Variants in RFX2 observed in about 807,000 individuals in gnomAD.
RFX2 encodes regulatory factor X2, also known as DNA-binding protein RFX2.
Under a neutral mutation model 87.8 loss-of-function variants are expected in RFX2, and 20 were observed. The ratio of observed to expected loss-of-function variants is 0.23; its 90% confidence interval spans 0.16 to 0.33. The LOEUF (loss-of-function observed/expected upper bound fraction) is 0.33, where lower values mean the gene tolerates loss of function less well. RFX2 is among the 10% of genes least tolerant of loss of function. RFX2 has a pLI of 1.00. For missense variants in RFX2, 767 were observed against 1,012.3 expected, an observed-to-expected ratio of 0.76 and a Z score of 3.29; for synonymous variants, 397 against 431.3, an observed-to-expected ratio of 0.92 and a Z score of 0.98.
rs565376970 is a variant in RFX2 at position 5,997,400 on chromosome 19, C to T, written c.1860-187G>A. ...CTGCCGAGACCCTGGGCCCACGTGA[C>T]GGACAGGTGGGGCCGGCCTGCGCGC... On this transcript the variant is annotated intron_variant, in intron 15 of 17. Coordinates refer to ENST00000303657, the MANE Select transcript of RFX2 (RefSeq NM_000635.4). The surrounding 1 kb of genome is among the most constrained non-coding windows in gnomAD (Gnocchi z 4.2). The T allele has an allele frequency of 1.1e-4, 69 of 646,544 alleles. No homozygotes were observed. Among genetic ancestry groups the T allele is most frequent in the Non-Finnish European group, 1.6e-4 (62 of 393,756 alleles). 40.1% of individuals were successfully genotyped at this position (646,544 alleles called of 1,614,324 possible).
At chr19:6,094,126 G>A (rs1428038904) in intron 1 of RFX2, among the ~76,000 whole-genome samples, 5 of 152,112 alleles carry the variant, frequency 3.3e-5, no homozygotes, top group African/African-American at 4.8e-5. Context: ...TAAAGAATTC[G>A]TATGTATGTT....
intron 1 of RFX2, among the ~76,000 whole-genome samples, chr19:6,093,728 A>G (rs1242726133): frequency 1.3e-5 from 2 of 152,066 alleles, no homozygotes; most frequent in Admixed American, 1.3e-4. Context: ...AAGAAGAAAA[A>G]AAAAACACAC....
In RFX2 at chr19:6,027,248, T is replaced by A. The variant is rs2144736340; in HGVS notation, c.523-1011A>T. On this transcript the variant is annotated intron_variant, in intron 5 of 17. Transcript: ENST00000303657. This position sits in a 1 kb window ranked among gnomAD's most constrained non-coding sequence, Gnocchi z 5.0. The stretch of plus-strand genomic sequence containing the variant: ...CTGAGTTCAAGAATGAGAGGGTAAC[T>A]GCTTCTCCCACGGCCTCCGACCACG... 6.6e-6 allele frequency: 1 copy of A among 152,348 alleles called. No individual in the cohort carries two copies. The highest frequency in any genetic ancestry group is 1.9e-4 in the East Asian group (1 of 5,192). 9.4% of individuals were successfully genotyped at this position (152,348 alleles called of 1,614,324 possible). A position where few individuals can be genotyped will look rare whatever the true frequency, so the allele number is the denominator to read the frequency against.
chr19:5,996,101 G>A (rs1446743034), intron 16 of RFX2, among the ~76,000 whole-genome samples: 9 of 152,224 alleles, frequency 5.9e-5, no homozygotes, highest in South Asian at 2.1e-4. Context: ...CCTGGCCACC[G>A]ACTCTTAGAG....
intron 1 of RFX2, among the ~76,000 whole-genome samples, chr19:6,102,415 T>C (rs1039763644): frequency 5.3e-5 from 8 of 152,258 alleles, no homozygotes; most frequent in African/African-American, 1.9e-4. Flanking sequence ...TATGAATGAA[T>C]GATGAACAAA....
intron 1 of RFX2, among the ~76,000 whole-genome samples, chr19:6,062,808 AG>A (rs2087456055): frequency 6.6e-6 from 1 of 152,152 alleles, no homozygotes; most frequent in Non-Finnish European, 1.5e-5. Context: ...CAGGAGGAAA[AG>A]GTAAATCAGC....
At chr19:5,996,947 G>A (rs2086420808) in intron 16 of RFX2, 113 bp downstream of exon 16, 2 of 1,110,768 alleles carry the variant, frequency 1.8e-6, no homozygotes, top group Admixed American at 4.8e-5. Flanking sequence ...CTCTGTCCGG[G>A]CGGCAGAGCA....
At chr19:6,105,722 C>G (rs62107232) in intron 1 of RFX2, among the ~76,000 whole-genome samples, 1,937 of 152,162 alleles carry the variant, frequency 0.013, 27 homozygotes, top group Non-Finnish European at 0.021. Flanking sequence ...TGGTCAGGTT[C>G]TGGGGAACTA....
Position 6,019,544 on chromosome 19 carries a change from G to GTGTA in RFX2, c.598-3274_598-3273insTACA, listed in dbSNP as rs386388444. On this transcript the variant is annotated intron_variant, in intron 6 of 17. Coordinates refer to ENST00000303657, the MANE Select transcript of RFX2 (RefSeq NM_000635.4). ...TGTGTGTGTGTGTGTGTGTGTGTGTGTATATACTTTTATATACTTTTTTTT... is the reference window on the plus strand; with the variant it reads ...TGTGTGTGTGTGTGTGTGTGTGTGTGTGTATATATACTTTTATATACTTTTTTTT... Among the ~76,000 whole-genome samples, 191 of 143,154 alleles carry GTGTA rather than the reference G, an allele frequency of 1.3e-3. 1 individual carries two copies. The highest frequency in any genetic ancestry group is 4.7e-3 in the African/African-American group (172 of 36,942). 93.9% of individuals were successfully genotyped at this position (143,154 alleles called of 152,430 possible).
intron 1 of RFX2, among the ~76,000 whole-genome samples, chr19:6,086,412 T>A (rs2087856555): frequency 6.6e-6 from 1 of 152,210 alleles, no homozygotes; most frequent in Non-Finnish European, 1.5e-5. Flanking sequence ...CTGTCTAGCA[T>A]GTGACTGCAG....
chr19:6,100,660 A>G (rs2088107809), intron 1 of RFX2, among the ~76,000 whole-genome samples: 1 of 152,102 alleles, frequency 6.6e-6, no homozygotes, highest in Non-Finnish European at 1.5e-5. Flanking sequence ...CCGGAAGTCT[A>G]GGTGGGAGGC....
In RFX2 at chr19:5,993,735, T is replaced by C. The variant is rs571541904; in HGVS notation, c.*1100A>G. ...CTACGTGTTTCCATGGAGACAAACTTGGTGTCTCAAGTTCAGGGCTTCGAA... is the reference window on the plus strand; with the variant it reads ...CTACGTGTTTCCATGGAGACAAACTCGGTGTCTCAAGTTCAGGGCTTCGAA... On this transcript the variant is annotated 3_prime_UTR_variant, in exon 18 of 18. Transcript: ENST00000303657. The C allele has an allele frequency of 6.6e-6, 1 of 152,154 alleles. No individual in the cohort carries two copies. The highest frequency in any genetic ancestry group is 1.5e-5 in the Non-Finnish European group (1 of 68,028). The allele number at this position is 152,154 out of a possible 1,614,324, so 9.4% of individuals were successfully genotyped here. A position where few individuals can be genotyped will look rare whatever the true frequency, so the allele number is the denominator to read the frequency against.
Position 6,040,742 on chromosome 19 carries a change from G to C in RFX2, c.261-501C>G, listed in dbSNP as rs1287990517. Among the ~76,000 whole-genome samples the C allele has an allele frequency of 6.6e-6, 1 of 152,156 alleles. No homozygotes were observed. Among genetic ancestry groups the C allele is most frequent in the Admixed American group, 6.5e-5 (1 of 15,274 alleles). ...CCATTGCACTTTAGCCTGGGCAACA[G>C]AGCAAGACCCTATCTCTTAAAAAAA... On this transcript the variant is annotated intron_variant, in intron 4 of 17. Coordinates refer to ENST00000303657, the MANE Select transcript of RFX2 (RefSeq NM_000635.4). The surrounding 1 kb of genome is among the most constrained non-coding windows in gnomAD (Gnocchi z 6.1).
intron 5 of RFX2, among the ~76,000 whole-genome samples, chr19:6,029,944 G>A (rs888829437): frequency 2.5e-4 from 38 of 152,060 alleles, no homozygotes; most frequent in Admixed American, 1.3e-4. Flanking sequence ...TCTGAGGAGC[G>A]GAAAGAAAAA....
At chr19:6,077,355 G>A (rs1268788299) in intron 1 of RFX2, among the ~76,000 whole-genome samples, 1 of 152,178 alleles carries the variant, frequency 6.6e-6, no homozygotes, top group African/African-American at 2.4e-5. Context: ...GCCAGGGGCT[G>A]AATGCAAAAC....
Position 6,050,530 on chromosome 19 carries a change from C to T in RFX2, c.-8-3026G>A, listed in dbSNP as rs562312339. On this transcript the variant is annotated intron_variant, in intron 1 of 17. Coordinates refer to ENST00000303657, the MANE Select transcript of RFX2 (RefSeq NM_000635.4). The surrounding 1 kb of genome is among the most constrained non-coding windows in gnomAD (Gnocchi z 4.6). ...CAAGAAACAAAGTATAAAAGGAGAA[C>T]CAAATAGAAATTCTAGAGCAATAAC... 2.0e-5 allele frequency among the ~76,000 whole-genome samples: 3 copies of T among 152,116 alleles called. No individual in the cohort carries two copies. The East Asian group carries it at 5.8e-4, about 29-fold the overall frequency.
At chr19:6,070,181 A>G (rs372820222) in intron 1 of RFX2, among the ~76,000 whole-genome samples, 6 of 76 alleles carry the variant, frequency 0.079, no homozygotes, top group Admixed American at 0.25. Context: ...ATGGGATGGG[A>G]TGGGATGGGA....
intron 5 of RFX2, among the ~76,000 whole-genome samples, chr19:6,031,278 C>A (rs1245336160): frequency 6.6e-6 from 1 of 152,092 alleles, no homozygotes; most frequent in Non-Finnish European, 1.5e-5. Context: ...GGTCATTGTA[C>A]TCTGGTGGAC....
chr19:6,005,555 G>C (rs899807611), intron 12 of RFX2, among the ~76,000 whole-genome samples: 3 of 152,228 alleles, frequency 2.0e-5, no homozygotes, highest in Non-Finnish European at 4.4e-5. Flanking sequence ...GAGGCCCTGG[G>C]AGGTCTCCAA....
Sources: gnomAD v4.1 joint callset for allele counts (sites outside exome capture counted in the v4.1 genomes callset) on GRCh38, gnomAD v4.1.1 for gene constraint, Gnocchi (gnomAD v3.1) non-coding constraint, MANE v1.5 for transcripts, NCBI Gene and HGNC (gene_info 2026-07-23, HGNC 2026-07-21) for gene names.